NCAPG: variants seen among roughly 807,000 people sequenced by gnomAD.
NCAPG encodes non-SMC condensin I complex subunit G.
Under a neutral mutation model 113.1 loss-of-function variants are expected in NCAPG, and 69 were observed. The ratio of observed to expected loss-of-function variants is 0.61; its 90% CI spans 0.50 to 0.75. NCAPG has a LOEUF of 0.75. Ranked by LOEUF, NCAPG falls within the 30% of genes least tolerant of loss-of-function variation. NCAPG has a pLI of 0.00. For synonymous variants in NCAPG, 370 were observed against 415.8 expected (o/e 0.89, Z 1.34); for missense variants, 1,058 against 1,177.0 (o/e 0.90, Z 1.48).
rs1347050926 is a variant in NCAPG at position 17,844,427 on chromosome 4, A to AT, written c.*1002_*1003insT. The AT allele has an allele frequency of 1.4e-4, 22 of 152,524 alleles. No individual in the cohort carries two copies. The highest frequency in any genetic ancestry group is 5.1e-4 in the African/African-American group (21 of 41,560). The allele number at this position is 152,524 out of a possible 1,614,324, so 9.4% of individuals were successfully genotyped here. On this transcript the variant is annotated 3_prime_UTR_variant, in exon 21 of 21. Coordinates refer to ENST00000251496, the MANE Select transcript of NCAPG (RefSeq NM_022346.5). ...TCATCTACTAGAGGCCATTTACTTA[A>AT]GGTGAAATTTTAAGATGGAGCTAAA...
chr4:17,844,534 A>AAGAT lies in NCAPG; in HGVS notation c.*1112_*1115dup, dbSNP rs1303860708. ...ATAAAAGGAGTCAAAGTTTCAAAGC[A>AAGAT]AGATAGTTATTAAGCAAAAGGAAAA... On this transcript the variant is annotated 3_prime_UTR_variant, in exon 21 of 21. Transcript: ENST00000251496. 3.3e-5 allele frequency: 5 copies of AAGAT among 152,458 alleles called. No individual in the cohort carries two copies. The highest frequency in any genetic ancestry group is 1.2e-4 in the African/African-American group (5 of 41,454). The allele number at this position is 152,458 out of a possible 1,614,324, so 9.4% of individuals were successfully genotyped here. A position where few individuals can be genotyped will look rare whatever the true frequency, so the allele number is the denominator to read the frequency against.
intron 8 of NCAPG, 98 bp downstream of exon 8, chr4:17,823,221 C>T (rs1721530640): frequency 4.2e-6 from 5 of 1,191,162 alleles, no homozygotes; most frequent in Middle Eastern, 2.8e-4. Context: ...TTTACCCTAG[C>T]TCTCTAAAGT....
At chr4:17,836,999 A>G (rs1222245131) in intron 14 of NCAPG, among the ~76,000 whole-genome samples, 160 bp from the exon 15 acceptor site, 7 of 152,196 alleles carry the variant, frequency 4.6e-5, no homozygotes, top group Non-Finnish European at 1.0e-4. Flanking sequence ...TTGTTATTCT[A>G]GCTTTGAAGA....
intron 16 of NCAPG, among the ~76,000 whole-genome samples, chr4:17,838,643 T>C (rs918055963): frequency 1.3e-5 from 2 of 152,164 alleles, no homozygotes; most frequent in African/African-American, 2.4e-5. Context: ...TAGATGGTTA[T>C]GCAAATATTG....
chr4:17,817,054 A>G (rs1721237876), intron 5 of NCAPG, among the ~76,000 whole-genome samples: 1 of 152,216 alleles, frequency 6.6e-6, no homozygotes, highest in African/African-American at 2.4e-5. Context: ...TGGAGGTTGC[A>G]GTGAACCAAG....
At chr4:17,830,553 CTTTT>C (rs770223582) in intron 12 of NCAPG, among the ~76,000 whole-genome samples, 2 of 137,320 alleles carry the variant, frequency 1.5e-5, no homozygotes, top group African/African-American at 2.7e-5. Flanking sequence ...ACTAGTTTCA[CTTTT>C]TTTTTTTTTT....
chr4:17,842,987 G>GA, intron 20 of NCAPG: 1 of 177,834 alleles, frequency 5.6e-6, no homozygotes, highest in Non-Finnish European at 1.2e-5. Context: ...GAGTTTCAAA[G>GA]AAATCTCTTT....
At chr4:17,835,680 G>A (rs552347724) in intron 14 of NCAPG, among the ~76,000 whole-genome samples, 265 of 152,242 alleles carry the variant, frequency 1.7e-3, no homozygotes, top group Non-Finnish European at 2.2e-3. Context: ...CTGTTTCTAT[G>A]GATTTAACTG....
intron 3 of NCAPG, 114 bp from the exon 4 acceptor site, chr4:17,814,739 C>T: frequency 2.5e-6 from 3 of 1,212,796 alleles, no homozygotes; most frequent in Non-Finnish European, 3.5e-6. Flanking sequence ...CCATCATGCC[C>T]AGCCTATCTT....
chr4:17,823,964 C>T (rs1577338477), intron 9 of NCAPG, among the ~76,000 whole-genome samples, 194 bp downstream of exon 9: 1 of 152,110 alleles, frequency 6.6e-6, no homozygotes, highest in Non-Finnish European at 1.5e-5. Flanking sequence ...CCTTCTTCCT[C>T]TTAGTGTACC....
chr4:17,832,736 A>C (rs775725386), intron 13 of NCAPG, among the ~76,000 whole-genome samples: 2 of 152,074 alleles, frequency 1.3e-5, no homozygotes, highest in African/African-American at 2.4e-5. Flanking sequence ...GGTCAACTTT[A>C]TAGGACCCTA....
At chr4:17,828,960 G>A (rs1195213570) in intron 12 of NCAPG, among the ~76,000 whole-genome samples, 1 of 149,850 alleles carries the variant, frequency 6.7e-6, no homozygotes, top group East Asian at 1.9e-4. Flanking sequence ...AAAAAAAAAA[G>A]AGGATAATTT....
chr4:17,817,595 C>T, intron 6 of NCAPG, 142 bp downstream of exon 6: 1 of 681,578 alleles, frequency 1.5e-6, no homozygotes, highest in Non-Finnish European at 2.4e-6. Flanking sequence ...TGATGAATAT[C>T]CTTTTATCCT....
In NCAPG at chr4:17,825,494, A is replaced by G; in HGVS notation, c.1586A>G (p.Glu529Gly). The G allele has an allele frequency of 6.2e-7, 1 of 1,610,204 alleles. No homozygotes were observed. Among genetic ancestry groups the G allele is most frequent in the South Asian group, 1.1e-5 (1 of 90,556 alleles). ...TTAAAAGAAGAAATAAAAGCATTAGAAGATGCCAGAATAAACCTTTTGAAA... is the reference window on the plus strand; with the variant it reads ...TTAAAAGAAGAAATAAAAGCATTAGGAGATGCCAGAATAAACCTTTTGAAA... ...SELKEEIKAL[E>G]DARINLLKET... The change falls in exon 11 of 21, where the codon GAA becomes GGA. Residue 529 changes from glutamate to glycine, a missense_variant. Physicochemically the swap from Glu to Gly is moderately conservative, Grantham distance 98. Transcript: ENST00000251496.
At chr4:17,817,885 T>C in intron 6 of NCAPG, 54 bp from the exon 7 acceptor site, 1 of 1,517,888 alleles carries the variant, frequency 6.6e-7, no homozygotes, top group African/African-American at 1.4e-5. Context: ...TACTCTTCAA[T>C]TCTTAATGAT....
chr4:17,819,665 G>T (rs1384500481), intron 7 of NCAPG, among the ~76,000 whole-genome samples: 1 of 152,202 alleles, frequency 6.6e-6, no homozygotes, highest in Non-Finnish European at 1.5e-5. Flanking sequence ...CTCCCAAAGT[G>T]CTGGGATTAC....
chr4:17,825,945 T>G (rs879824678), intron 11 of NCAPG, among the ~76,000 whole-genome samples: 1 of 152,088 alleles, frequency 6.6e-6, no homozygotes, highest in Non-Finnish European at 1.5e-5. Context: ...TCTTTTTTAT[T>G]GCTAGCAAAA....
chr4:17,842,312 C>CAGAG lies in NCAPG; in HGVS notation c.2859_2862dup (p.Lys955GlufsTer8). 6.2e-7 allele frequency: 1 copy of CAGAG among 1,611,468 alleles called. No individual in the cohort carries two copies. Among genetic ancestry groups the CAGAG allele is most frequent in the African/African-American group, 1.3e-5 (1 of 74,918 alleles). On this transcript the variant is annotated frameshift_variant, in exon 20 of 21. Coordinates refer to ENST00000251496, the MANE Select transcript of NCAPG (RefSeq NM_022346.5). LOFTEE classifies it high-confidence loss of function. ...TAATGAATTATACTATCTTCAAGGA[C>CAGAG]AGAGAAAAGTGACAGTTTCAGCTAG... is the stretch of plus-strand genomic sequence containing the variant.
chr4:17,813,756 C>T (rs1038921960), intron 3 of NCAPG, among the ~76,000 whole-genome samples: 6 of 151,850 alleles, frequency 4.0e-5, no homozygotes, highest in African/African-American at 1.2e-4. Context: ...CATTATGATT[C>T]GTATTTTTTA....
Sources: allele counts gnomAD v4.1 joint callset (sites outside exome capture counted in the v4.1 genomes callset), GRCh38; gene constraint gnomAD v4.1.1; transcripts MANE v1.5; gene names NCBI Gene and HGNC (gene_info 2026-07-23, HGNC 2026-07-21).